NID2: variants seen among roughly 807,000 people sequenced by gnomAD.
NID2 encodes nidogen-2.
Under a neutral mutation model 145.4 loss-of-function variants are expected in NID2, and 83 were observed. That is an observed-to-expected ratio of 0.57 (90% CI 0.48 to 0.69). The LOEUF is 0.69. Ranked by LOEUF, NID2 falls within the 30% of genes least tolerant of loss-of-function variation. NID2 has a pLI of 0.00. For missense variants in NID2, 1,807 were observed against 1,765.7 expected (o/e 1.02, Z -0.42); for synonymous variants, 739 against 701.3 (o/e 1.05, Z -0.85).
rs751730678 is a variant in NID2, at chr14:52,015,278, G to T, written c.3029-3C>A. Reference sequence around the variant, plus strand: ...GGTCGGGGGCCTCTGGGTGGGCTCTGAGCAGATGGGGAAGAGGGAAGAAGA... The same window carrying T: ...GGTCGGGGGCCTCTGGGTGGGCTCTTAGCAGATGGGGAAGAGGGAAGAAGA... On this transcript the variant is annotated splice_polypyrimidine_tract_variant and splice_region_variant and intron_variant, in intron 14 of 21. Transcript: ENST00000216286. 86 of 1,602,722 alleles carry T rather than the reference G, an allele frequency of 5.4e-5. No individual in the cohort carries two copies. The Middle Eastern group carries it at 4.2e-3, about 77-fold the overall frequency.
chr14:52,015,061 G>A lies in NID2; in HGVS notation c.3243C>T (p.Thr1081=). The A allele has an allele frequency of 1.2e-6, 2 of 1,613,166 alleles. No individual in the cohort carries two copies. Among genetic ancestry groups the A allele is most frequent in the Admixed American group, 1.7e-5 (1 of 59,950 alleles). ...GGGCGGCCAGGTGCTTACACGCAGG[G>A]GTGGTGCCTGGCTGGGAGCGGGTGC... ...VQGTRSQPGT[T]PACIPTVAPP... The change falls in exon 15 of 22, where the codon ACC becomes ACT. Residue 1081 remains threonine, a synonymous_variant. Coordinates refer to ENST00000216286, the MANE Select transcript of NID2 (RefSeq NM_007361.4).
Position 52,068,876 on chromosome 14 carries a change from C to T in NID2, c.119G>A (p.Gly40Glu). ...ALHPDELFPH[G>E]ESWGDQLLQE... The stretch of plus-strand genomic sequence containing the variant: ...CAGGAGCTGGTCCCCCCACGACTCC[C>T]CGTGTGGGAAGAGCTCGTCTGGGTG... Residue 40 changes from glycine (G) to glutamate (E), a missense_variant, in exon 1 of 22, where the codon GGG becomes GAG. Coordinates refer to ENST00000216286, the MANE Select transcript of NID2 (RefSeq NM_007361.4). 6.2e-7 allele frequency: 1 copy of T among 1,614,042 alleles called. No homozygotes were observed. The highest frequency in any genetic ancestry group is 8.5e-7 in the Non-Finnish European group (1 of 1,180,026).
chr14:52,007,698 G>C, intron 19 of NID2, 112 bp downstream of exon 19: 1 of 994,924 alleles, frequency 1.0e-6, no homozygotes, highest in Non-Finnish European at 1.5e-6. Context: ...AAAGTTTACA[G>C]ACCAAAGAAA....
intron 3 of NID2, 21 bp from the exon 4 acceptor site, chr14:52,054,342 C>T (rs764277286): frequency 1.3e-6 from 2 of 1,594,568 alleles, no homozygotes; most frequent in Non-Finnish European, 1.7e-6. Flanking sequence ...AGGAAACAGT[C>T]ATTGTAACAA....
chr14:52,038,439 T>TCC (rs1892152391), intron 9 of NID2, among the ~76,000 whole-genome samples: 1 of 152,208 alleles, frequency 6.6e-6, no homozygotes, highest in Admixed American at 6.5e-5. Context: ...AGCATCACTC[T>TCC]CCCTCCTAAT....
Position 52,011,608 on chromosome 14 carries a change from T to C in NID2, c.3496A>G (p.Ile1166Val), listed in dbSNP as rs1339370200. The change falls in exon 17 of 22, where the codon ATC (isoleucine) becomes GTC (valine). Residue 1166 changes from isoleucine to valine, a missense_variant. Physicochemically the swap from Ile to Val is conservative, Grantham distance 29. Coordinates refer to ENST00000216286, the MANE Select transcript of NID2 (RefSeq NM_007361.4). Reference protein sequence around the residue: ...VYWTDVAGRTISRAGLELGAE... With the variant: ...VYWTDVAGRTVSRAGLELGAE... ...CCCAGTTCCAGACCAGCACGGCTGA[T>C]TGTCCGTCCAGCAACATCTGTCCAG... 3 of 1,614,086 alleles carry C rather than the reference T, an allele frequency of 1.9e-6. No homozygotes were observed. Among genetic ancestry groups the C allele is most frequent in the African/African-American group, 1.3e-5 (1 of 74,932 alleles).
At chr14:52,057,625 C>A (rs1370875277) in intron 3 of NID2, among the ~76,000 whole-genome samples, 1 of 145,054 alleles carries the variant, frequency 6.9e-6, no homozygotes, top group East Asian at 2.1e-4. Context: ...TTGCTTGAAC[C>A]CAGGAGGCAG....
In NID2 at chr14:52,039,569, C is replaced by T. The variant is rs544755967; in HGVS notation, c.2027-592G>A. On this transcript the variant is annotated intron_variant, in intron 8 of 21. Transcript: ENST00000216286. ...ATCCGGACACTGACCATTTTGTTCA[C>T]AGCCCAGGTCTCTGCTTCCCCTTGT... Among the ~76,000 whole-genome samples the T allele has an allele frequency of 6.8e-4, 104 of 152,310 alleles. 3 individuals are homozygous for T. In the South Asian group the frequency reaches 0.021, roughly 30 times the overall value.
At chr14:52,037,747 A>T (rs1892123435) in intron 9 of NID2, among the ~76,000 whole-genome samples, 1 of 152,248 alleles carries the variant, frequency 6.6e-6, no homozygotes, top group South Asian at 2.1e-4. Context: ...AAGTATTCAC[A>T]TCTTAACAGT....
At chr14:52,008,257 G>T in intron 18 of NID2, 1 of 274,680 alleles carries the variant, frequency 3.6e-6, no homozygotes. Flanking sequence ...ACCCTGTAAA[G>T]GGGAACATGT....
At chr14:52,039,114 A>G (rs1240050844) in intron 8 of NID2, 137 bp from the exon 9 acceptor site, 1 of 670,462 alleles carries the variant, frequency 1.5e-6, no homozygotes, top group Non-Finnish European at 2.5e-6. Flanking sequence ...ATATGAAAAA[A>G]TGTGTAAGGA....
At chr14:52,027,059 G>T in intron 12 of NID2, 142 bp downstream of exon 12, 1 of 801,578 alleles carries the variant, frequency 1.2e-6, no homozygotes, top group Non-Finnish European at 1.8e-6. Context: ...CTCAAAGGAC[G>T]CTTTTTTCTC....
chr14:52,060,511 AC>A (rs1892994455), intron 2 of NID2, among the ~76,000 whole-genome samples, 155 bp from the exon 3 acceptor site: 1 of 152,228 alleles, frequency 6.6e-6, no homozygotes, highest in Non-Finnish European at 1.5e-5. Context: ...TTTAAACATA[AC>A]CTTCTTTAAA....
At position 52,014,157 on chromosome 14, in the gene NID2, G is replaced by A. The variant is rs12589795; in HGVS notation, c.3420+130C>T. On this transcript the variant is annotated intron_variant, in intron 16 of 21. Coordinates refer to ENST00000216286, the MANE Select transcript of NID2 (RefSeq NM_007361.4). ...ATGGTGGTGGCATCGGGCCCATGCC[G>A]ATGGGCTGCAGCTCAGAAACCCTCC... The A allele has an allele frequency of 0.022, 25,662 of 1,188,466 alleles. 1,785 individuals are homozygous for A. In the East Asian group the frequency reaches 0.24, roughly 11 times the overall value. 73.6% of individuals were successfully genotyped at this position (1,188,466 alleles called of 1,614,324 possible). A position where few individuals can be genotyped will look rare whatever the true frequency, so the allele number is the denominator to read the frequency against.
chr14:52,055,347 A>T (rs913943864), intron 3 of NID2, among the ~76,000 whole-genome samples: 3 of 152,240 alleles, frequency 2.0e-5, no homozygotes, highest in Admixed American at 2.0e-4. Flanking sequence ...AAGACATTTC[A>T]TTGTTTATTC....
chr14:52,007,765 A>C (rs1270118554), intron 19 of NID2, 45 bp downstream of exon 19: 1 of 1,511,640 alleles, frequency 6.6e-7, no homozygotes, highest in South Asian at 1.2e-5. Flanking sequence ...GCTCACATTC[A>C]CTGTGATGAG....
chr14:52,044,807 G>C (rs1239466869), intron 5 of NID2, among the ~76,000 whole-genome samples: 1 of 152,038 alleles, frequency 6.6e-6, no homozygotes, highest in East Asian at 1.9e-4. Context: ...GTTGGGGGGA[G>C]GGGTCTCCCT....
chr14:52,017,576 G>A (rs1891257922), intron 14 of NID2, among the ~76,000 whole-genome samples: 2 of 150,410 alleles, frequency 1.3e-5, no homozygotes, highest in South Asian at 4.2e-4. Flanking sequence ...ACACATGCCT[G>A]TCTTAATAAA....
chr14:52,063,561 T>C (rs141931260), intron 2 of NID2, among the ~76,000 whole-genome samples: 242 of 152,350 alleles, frequency 1.6e-3, no homozygotes, highest in African/African-American at 5.5e-3. Flanking sequence ...TGCAGCTATC[T>C]GGACAAAAAT....
Sources: allele counts gnomAD v4.1 joint callset (sites outside exome capture counted in the v4.1 genomes callset), GRCh38; gene constraint gnomAD v4.1.1; transcripts MANE v1.5; gene names NCBI Gene and HGNC (gene_info 2026-07-23, HGNC 2026-07-21).